UNC13C: variants seen among roughly 807,000 people sequenced by gnomAD.
The protein encoded by UNC13C is protein unc-13 homolog C.
In UNC13C, 174 loss-of-function variants were observed where a neutral mutation model predicts 245.4. That is an observed-to-expected ratio of 0.71 (90% CI 0.63 to 0.80). The LOEUF (loss-of-function observed/expected upper bound fraction) is 0.80. UNC13C is among the 30% of genes least tolerant of loss of function. The pLI, the probability that UNC13C is intolerant of heterozygous loss-of-function variation, is 0.00. For synonymous variants in UNC13C, 992 were observed against 895.1 expected, an observed-to-expected ratio of 1.11 and a Z score of -1.93; for missense variants, 2,829 against 2,602.9, an observed-to-expected ratio of 1.09 and a Z score of -1.89.
At chr15:54,521,665 C>A (rs1366823851) in intron 24 of UNC13C, among the ~76,000 whole-genome samples, 1 of 152,130 alleles carries the variant, frequency 6.6e-6, no homozygotes, top group Admixed American at 6.6e-5. Flanking sequence ...AAACAAATAG[C>A]AGGGAAACAC....
At chr15:54,561,473 T>G (rs768976378) in intron 29 of UNC13C, among the ~76,000 whole-genome samples, 1 of 151,970 alleles carries the variant, frequency 6.6e-6, no homozygotes, top group African/African-American at 2.4e-5. Context: ...ATAGAAAGTT[T>G]TTTTTTGGAG....
intron 17 of UNC13C, among the ~76,000 whole-genome samples, chr15:54,373,523 G>A (rs913446930): frequency 6.6e-6 from 1 of 152,146 alleles, no homozygotes; most frequent in African/African-American, 2.4e-5. Context: ...TGCTGGCATG[G>A]GTGCCAGCTC....
the UNC13C span, among the ~76,000 whole-genome samples, chr15:53,871,334 T>A: frequency 6.6e-6 from 1 of 152,176 alleles, no homozygotes; most frequent in Non-Finnish European, 1.5e-5. Context: ...ATGTAATATT[T>A]TATAACTTCT....
rs1278820461 is a variant in UNC13C at position 54,132,945 on chromosome 15, G to A, written c.2984-10073G>A. Among the ~76,000 whole-genome samples, 5 of 152,128 alleles carry A rather than the reference G, an allele frequency of 3.3e-5. 1 individual carries two copies. Among genetic ancestry groups the A allele is most frequent in the Middle Eastern group, 6.3e-3 (2 of 316 alleles). ...CCTATTCAAATTTCCTTCAAAAAGT[G>A]TGTTATAATAGAGGTAAAACATTGA... is the stretch of plus-strand genomic sequence containing the variant. On this transcript the variant is annotated intron_variant, in intron 2 of 32. Transcript: ENST00000260323.
intron 19 of UNC13C, among the ~76,000 whole-genome samples, chr15:54,429,582 G>C (rs1254619788): frequency 6.6e-6 from 1 of 151,616 alleles, no homozygotes; most frequent in African/African-American, 2.4e-5. Flanking sequence ...AATAGAGGTG[G>C]ATAATTTCCA....
Position 54,573,418 on chromosome 15 carries a change from T to A in UNC13C, c.6106+5471T>A, listed in dbSNP as rs553401221. Among the ~76,000 whole-genome samples, 3 of 152,284 alleles carry A rather than the reference T, an allele frequency of 2.0e-5. No homozygotes were observed. In the South Asian group the frequency reaches 6.2e-4, roughly 32 times the overall value. On this transcript the variant is annotated intron_variant, in intron 30 of 32. Transcript: ENST00000260323. ...CTCTCTCTGTTCCAAACATGGAAAA[T>A]AAACAAATCCAAAATGGATGTAGAA...
chr15:54,320,564 G>A (rs980891873), intron 13 of UNC13C, among the ~76,000 whole-genome samples: 1 of 151,862 alleles, frequency 6.6e-6, no homozygotes, highest in African/African-American at 2.4e-5. Context: ...TTGAGATTTT[G>A]GCCCATACAC....
In UNC13C at chr15:54,578,386, T is replaced by C. The variant is rs1189231711; in HGVS notation, c.6106+10439T>C. 2.6e-5 allele frequency among the ~76,000 whole-genome samples: 4 copies of C among 152,250 alleles called. No homozygotes were observed. The East Asian group carries it at 7.7e-4, about 29-fold the overall frequency. On this transcript the variant is annotated intron_variant, in intron 30 of 32. Coordinates refer to ENST00000260323, the MANE Select transcript of UNC13C (RefSeq NM_001080534.3). ...AATCAACAACTGTATATATGATGCA[T>C]TTCTTTATTTCTCAATTTGGTGAGA...
intron 17 of UNC13C, among the ~76,000 whole-genome samples, chr15:54,363,953 A>ATTC: frequency 6.6e-6 from 1 of 152,176 alleles, no homozygotes; most frequent in African/African-American, 2.4e-5. Context: ...AAAGCCCAAC[A>ATTC]AGTGTCATAC....
At chr15:53,866,606 C>T in the UNC13C span, among the ~76,000 whole-genome samples, 2 of 152,174 alleles carry the variant, frequency 1.3e-5, no homozygotes, top group African/African-American at 2.4e-5. Context: ...TCCCAGCTTG[C>T]CCCTGACCCG....
chr15:54,132,581 G>A (rs1003597063), intron 2 of UNC13C, among the ~76,000 whole-genome samples: 2 of 152,162 alleles, frequency 1.3e-5, no homozygotes, highest in African/African-American at 2.4e-5. Context: ...TTCAATAAAA[G>A]GGAAGATAAA....
intron 16 of UNC13C, among the ~76,000 whole-genome samples, chr15:54,337,791 A>C (rs2038626291): frequency 6.6e-6 from 1 of 152,116 alleles, no homozygotes; most frequent in African/African-American, 2.4e-5. Context: ...TAAACTATCC[A>C]GTTCCTTCCC....
At chr15:53,885,374 T>C in the UNC13C span, among the ~76,000 whole-genome samples, 6 of 152,184 alleles carry the variant, frequency 3.9e-5, no homozygotes, top group African/African-American at 1.4e-4. Context: ...GGCTGACTTC[T>C]CCTTTAAAGA....
At chr15:54,043,225 G>C (rs182308309) in intron 2 of UNC13C, among the ~76,000 whole-genome samples, 1 of 152,284 alleles carries the variant, frequency 6.6e-6, no homozygotes, top group East Asian at 1.9e-4. Flanking sequence ...ATGCAATAAA[G>C]GAGGCAGCCT....
chr15:54,059,710 C>T (rs1897715838), intron 2 of UNC13C, among the ~76,000 whole-genome samples: 1 of 152,162 alleles, frequency 6.6e-6, no homozygotes, highest in Non-Finnish European at 1.5e-5. Flanking sequence ...TACCTGACTT[C>T]AAACTATACT....
In UNC13C at chr15:54,013,128, A is replaced by T; in HGVS notation, c.225A>T (p.Leu75Phe). Reference protein sequence around the residue: ...KIAKCSSTHNLSTEEDEASKE... With the variant: ...KIAKCSSTHNFSTEEDEASKE... ...CAAAGTGTTCATCCACTCACAACTT[A>T]TCCACTGAGGAAGACGAGGCCAGTA... is the stretch of plus-strand genomic sequence containing the variant. Residue 75 changes from leucine to phenylalanine, a missense_variant, in exon 2 of 33, where the codon TTA (leucine) becomes TTT (phenylalanine). Leu to Phe is a conservative substitution (Grantham distance 22, BLOSUM62 0). Transcript: ENST00000260323. 1 of 1,613,920 alleles carries T rather than the reference A, an allele frequency of 6.2e-7. No individual in the cohort carries two copies. Among genetic ancestry groups the T allele is most frequent in the Admixed American group, 1.7e-5 (1 of 59,978 alleles).
rs952052799 is a variant in UNC13C, at chr15:54,610,408, G to A, written c.6107-11919G>A. On this transcript the variant is annotated intron_variant, in intron 30 of 32. Coordinates refer to ENST00000260323, the MANE Select transcript of UNC13C (RefSeq NM_001080534.3). ...CACCAACATGCCTAGCTAATTTTTT[G>A]TATTTTTAGTAGAGGCAGGGTTTCA... Among the ~76,000 whole-genome samples, 7 of 152,080 alleles carry A rather than the reference G, an allele frequency of 4.6e-5. No homozygotes were observed. In the Middle Eastern group the frequency reaches 0.01, roughly 222 times the overall value.
At chr15:53,909,825 C>T in the UNC13C span, among the ~76,000 whole-genome samples, 3 of 146,316 alleles carry the variant, frequency 2.1e-5, no homozygotes, top group African/African-American at 7.3e-5. Context: ...CAATATATTG[C>T]ACCTGTCAGT....
chr15:54,491,648 A>G (rs1893708339), intron 19 of UNC13C, among the ~76,000 whole-genome samples: 2 of 152,164 alleles, frequency 1.3e-5, no homozygotes, highest in Non-Finnish European at 2.9e-5. Flanking sequence ...TGCCAAACAA[A>G]CAATACCTTT....
Sources: gnomAD v4.1 joint callset for allele counts (sites outside exome capture counted in the v4.1 genomes callset) on GRCh38, gnomAD v4.1.1 for gene constraint, MANE v1.5 for transcripts, NCBI Gene and HGNC (gene_info 2026-07-23, HGNC 2026-07-21) for gene names.